The following PTDSS2 variants were observed in gnomAD, a reference collection of about 807,000 sequenced individuals.
PTDSS2 encodes phosphatidylserine synthase 2, also known as PSS-2.
In PTDSS2, 41 loss-of-function variants were observed where a neutral mutation model predicts 64.7. The ratio of observed to expected loss-of-function variants is 0.63; its 90% CI spans 0.49 to 0.82. The LOEUF is 0.82. Ranked by LOEUF, PTDSS2 falls within the 40% of genes least tolerant of loss-of-function variation. The probability of loss-of-function intolerance (pLI) is 0.00; values close to 1 mark genes in which losing one functional copy is unlikely to be tolerated. For synonymous variants in PTDSS2, 297 were observed against 277.8 expected (o/e 1.07, Z -0.69); for missense variants, 485 against 650.0 (o/e 0.75, Z 2.76).
rs568061562 is a variant in PTDSS2 at position 472,648 on chromosome 11, C to T, written c.285-1247C>T. Reference sequence around the variant, plus strand: ...CCTCCTCCATCCTGCAAGCCTCGGGCGGTGCTTGGCCTCACCTGCCTCTGT... The same window carrying T: ...CCTCCTCCATCCTGCAAGCCTCGGGTGGTGCTTGGCCTCACCTGCCTCTGT... On this transcript the variant is annotated intron_variant, in intron 2 of 11. Coordinates refer to ENST00000308020, the MANE Select transcript of PTDSS2 (RefSeq NM_030783.3). 1.3e-4 allele frequency among the ~76,000 whole-genome samples: 20 copies of T among 152,302 alleles called. No individual in the cohort carries two copies. In the East Asian group the frequency reaches 3.7e-3, roughly 28 times the overall value.
chr11:486,198 G>C (rs1040348106), intron 4 of PTDSS2, among the ~76,000 whole-genome samples: 2 of 152,338 alleles, frequency 1.3e-5, no homozygotes, highest in East Asian at 3.9e-4. Context: ...AAGGTCAAGA[G>C]GTGTATCTGG....
intron 3 of PTDSS2, among the ~76,000 whole-genome samples, chr11:474,393 G>A (rs1026018348): frequency 4.0e-5 from 6 of 149,978 alleles, no homozygotes; most frequent in African/African-American, 9.9e-5. Context: ...GGGGGCGGGG[G>A]TGGGTGAGGG....
rs1458021600 is a variant in PTDSS2, at chr11:482,763, G to A, written c.435+3611G>A. ...TTTGTAGATCTCCCTACCGAGTGCA[G>A]AAAGTTCTGTGAGTTTTTCGTAGAT... On this transcript the variant is annotated intron_variant, in intron 4 of 11. Coordinates refer to ENST00000308020, the MANE Select transcript of PTDSS2 (RefSeq NM_030783.3). Among the ~76,000 whole-genome samples the A allele has an allele frequency of 2.6e-5, 4 of 151,910 alleles. No homozygotes were observed. In the East Asian group the frequency reaches 7.8e-4, roughly 29 times the overall value.
At chr11:472,599 C>T (rs1489082542) in intron 2 of PTDSS2, among the ~76,000 whole-genome samples, 1 of 152,180 alleles carries the variant, frequency 6.6e-6, no homozygotes. Flanking sequence ...GTCCCGGCTG[C>T]ACCAGGGGCC....
intron 4 of PTDSS2, among the ~76,000 whole-genome samples, chr11:485,443 C>T (rs572109229): frequency 2.7e-5 from 4 of 146,516 alleles, no homozygotes; most frequent in Non-Finnish European, 4.5e-5. Context: ...TCACCGTGTG[C>T]GCAGGCGAGT....
chr11:488,506 C>G, intron 7 of PTDSS2, 23 bp from the exon 8 acceptor site: 5 of 1,590,958 alleles, frequency 3.1e-6, no homozygotes, highest in Non-Finnish European at 4.3e-6. Context: ...ACCCCTGCAA[C>G]GAGTGCTGGC....
chr11:467,981 A>T (rs2133787762), intron 2 of PTDSS2, among the ~76,000 whole-genome samples: 1 of 152,116 alleles, frequency 6.6e-6, no homozygotes, highest in African/African-American at 2.4e-5. Context: ...TACCAAACTA[A>T]AAAACTTAGC....
In PTDSS2 at chr11:488,624, C is replaced by T. The variant is rs371262050; in HGVS notation, c.831C>T (p.Gly277=). Reference sequence around the variant, plus strand: ...CCCTGAAGACGTACAAGTGGCAGGGCCTCTGGAACATTCCGACCTACAAGT... The same window carrying T: ...CCCTGAAGACGTACAAGTGGCAGGGTCTCTGGAACATTCCGACCTACAAGT... ...WLSLKTYKWQ[G]LWNIPTYKGK... The change falls in exon 8 of 12, where the codon GGC becomes GGT. Residue 277 remains glycine, a synonymous_variant. Transcript: ENST00000308020. 6.2e-7 allele frequency: 1 copy of T among 1,612,936 alleles called. No individual in the cohort carries two copies. The highest frequency in any genetic ancestry group is 8.5e-7 in the Non-Finnish European group (1 of 1,179,608).
chr11:473,715 TG>T (rs1293154966), intron 2 of PTDSS2, among the ~76,000 whole-genome samples, 179 bp from the exon 3 acceptor site: 3 of 152,186 alleles, frequency 2.0e-5, no homozygotes, highest in Non-Finnish European at 4.4e-5. Context: ...CGGCCCAGGG[TG>T]GTGGAGGTAG....
intron 1 of PTDSS2, among the ~76,000 whole-genome samples, chr11:458,082 T>C (rs1438748493): frequency 2.6e-5 from 4 of 152,272 alleles, no homozygotes; most frequent in African/African-American, 9.6e-5. Flanking sequence ...CGTTTGTTCA[T>C]GTGCTTATTG....
At chr11:477,268 ATCCCT>A (rs1435242039) in intron 3 of PTDSS2, among the ~76,000 whole-genome samples, 1 of 152,210 alleles carries the variant, frequency 6.6e-6, no homozygotes, top group Non-Finnish European at 1.5e-5. Flanking sequence ...TGAGGAGGGC[ATCCCT>A]CCTGTGTGAA....
At chr11:487,173 C>T in intron 5 of PTDSS2, 100 bp downstream of exon 5, 1 of 1,193,046 alleles carries the variant, frequency 8.4e-7, no homozygotes, top group Non-Finnish European at 1.2e-6. Context: ...TCAGCCCACA[C>T]TTGGGGTCTC....
intron 4 of PTDSS2, among the ~76,000 whole-genome samples, chr11:484,057 G>A (rs1157173235): frequency 6.6e-6 from 1 of 152,192 alleles, no homozygotes; most frequent in East Asian, 1.9e-4. Flanking sequence ...TCTTGTGCAT[G>A]GGAGAGATCC....
intron 1 of PTDSS2, chr11:459,867 C>T: frequency 2.9e-6 from 1 of 341,746 alleles, no homozygotes; most frequent in Non-Finnish European, 5.5e-6. Context: ...TTTACGTGTC[C>T]AGTTGCTCTT....
chr11:479,299 G>A lies in PTDSS2; in HGVS notation c.435+147G>A, dbSNP rs1267813170. ...CCCACAAAGTAGGCCGAGCTGCGGG[G>A]GGTCTCCAGGAGCATCTGTGCGGCC... On this transcript the variant is annotated intron_variant, in intron 4 of 11. Coordinates refer to ENST00000308020, the MANE Select transcript of PTDSS2 (RefSeq NM_030783.3). This position sits in a 1 kb window ranked among gnomAD's most constrained non-coding sequence, Gnocchi z 4.2. The A allele has an allele frequency of 2.6e-6, 2 of 757,354 alleles. No homozygotes were observed. The highest frequency in any genetic ancestry group is 4.7e-6 in the Non-Finnish European group (2 of 422,946). 46.9% of individuals were successfully genotyped at this position (757,354 alleles called of 1,614,324 possible). A position where few individuals can be genotyped will look rare whatever the true frequency, so the allele number is the denominator to read the frequency against.
intron 2 of PTDSS2, among the ~76,000 whole-genome samples, chr11:473,629 C>T (rs1397421039): frequency 6.6e-6 from 1 of 152,132 alleles, no homozygotes; most frequent in Admixed American, 6.5e-5. Context: ...AATGTGAGCG[C>T]GAATGTCCAG....
At position 460,139 on chromosome 11, in the gene PTDSS2, A is replaced by T. The variant is rs778108684; in HGVS notation, c.183-48A>T. On this transcript the variant is annotated intron_variant, in intron 1 of 11. Coordinates refer to ENST00000308020, the MANE Select transcript of PTDSS2 (RefSeq NM_030783.3). The surrounding 1 kb of genome is among the most constrained non-coding windows in gnomAD (Gnocchi z 5.8). ...GGGGCCTGTTACGTGAGTATTTAGC[A>T]ATGCTGCCCAAGCTCTGACACCATG... The T allele has an allele frequency of 6.8e-6, 10 of 1,478,384 alleles. No individual in the cohort carries two copies. In the East Asian group the frequency reaches 2.3e-4, roughly 34 times the overall value. 91.6% of individuals were successfully genotyped at this position (1,478,384 alleles called of 1,614,324 possible).
At chr11:467,219 T>C (rs1847184707) in intron 2 of PTDSS2, among the ~76,000 whole-genome samples, 1 of 152,166 alleles carries the variant, frequency 6.6e-6, no homozygotes, top group South Asian at 2.1e-4. Context: ...GGGTGAAAGG[T>C]CTAAGCAGAT....
chr11:488,681 T>TG, intron 8 of PTDSS2, 34 bp downstream of exon 8: 1 of 1,461,250 alleles, frequency 6.8e-7, no homozygotes, highest in Non-Finnish European at 9.6e-7. Context: ...CAGGGCCGGG[T>TG]GGGGGTTACC....
Sources: gnomAD v4.1 joint callset for allele counts (sites outside exome capture counted in the v4.1 genomes callset) on GRCh38, gnomAD v4.1.1 for gene constraint, Gnocchi (gnomAD v3.1) non-coding constraint, MANE v1.5 for transcripts, NCBI Gene and HGNC (gene_info 2026-07-23, HGNC 2026-07-21) for gene names.